PRKAR2A: variants seen among roughly 807,000 people sequenced by gnomAD.
PRKAR2A encodes the protein protein kinase cAMP-dependent type II regulatory subunit alpha.
Under a neutral mutation model 51.9 loss-of-function variants are expected in PRKAR2A, and 29 were observed. That is an observed-to-expected ratio of 0.56 (90% CI 0.42 to 0.76). PRKAR2A has a LOEUF of 0.76. PRKAR2A is among the 30% of genes least tolerant of loss of function. The pLI is 0.00. For synonymous variants in PRKAR2A, 178 were observed against 186.2 expected, an observed-to-expected ratio of 0.96 and a Z score of 0.36; for missense variants, 445 against 512.1, an observed-to-expected ratio of 0.87 and a Z score of 1.26.
At chr3:48,786,892 G>C (rs1051347431) in intron 4 of PRKAR2A, among the ~76,000 whole-genome samples, 1 of 151,836 alleles carries the variant, frequency 6.6e-6, no homozygotes, top group African/African-American at 2.4e-5. Flanking sequence ...GCTTTCAGAG[G>C]GACACAATAT....
chr3:48,832,296 CAAA>C (rs75592481), intron 1 of PRKAR2A, among the ~76,000 whole-genome samples: 1 of 72,604 alleles, frequency 1.4e-5, no homozygotes. Context: ...AACTTCATCT[CAAA>C]AAAAAAAAAA....
intron 6 of PRKAR2A, among the ~76,000 whole-genome samples, chr3:48,769,513 G>C (rs1283705588): frequency 3.3e-5 from 5 of 150,128 alleles, no homozygotes; most frequent in Non-Finnish European, 7.4e-5. Flanking sequence ...TTTCGTTCTT[G>C]TTGACCAGGT....
intron 2 of PRKAR2A, among the ~76,000 whole-genome samples, 199 bp downstream of exon 2, chr3:48,807,448 CTG>C (rs1300594794): frequency 6.6e-6 from 1 of 152,066 alleles, no homozygotes; most frequent in East Asian, 1.9e-4. Context: ...AAGAGACAAA[CTG>C]TACCAATTAT....
chr3:48,808,545 G>A (rs564090342), intron 1 of PRKAR2A, among the ~76,000 whole-genome samples: 34 of 150,224 alleles, frequency 2.3e-4, no homozygotes, highest in African/African-American at 8.3e-4. Context: ...GAGCCACCGC[G>A]CCTGGCCTGT....
intron 6 of PRKAR2A, among the ~76,000 whole-genome samples, chr3:48,768,335 A>AGATAGATAGAT (rs1553666209): frequency 6.6e-6 from 1 of 151,650 alleles, no homozygotes; most frequent in Non-Finnish European, 1.5e-5. Context: ...ATAGATAGAT[A>AGATAGATAGAT]GATAGATATA....
chr3:48,830,371 G>A (rs760679397), intron 1 of PRKAR2A, among the ~76,000 whole-genome samples: 2 of 152,116 alleles, frequency 1.3e-5, no homozygotes, highest in Non-Finnish European at 2.9e-5. Flanking sequence ...ATGGAACTGT[G>A]AGCTGTCATC....
At chr3:48,759,521 G>C (rs935940948) in intron 8 of PRKAR2A, among the ~76,000 whole-genome samples, 1 of 152,084 alleles carries the variant, frequency 6.6e-6, no homozygotes, top group African/African-American at 2.4e-5. Context: ...TGAGTAGCTG[G>C]GATTTACAGG....
At position 48,751,232 on chromosome 3, in the gene PRKAR2A, A is replaced by C; in HGVS notation, c.*353T>G. On this transcript the variant is annotated 3_prime_UTR_variant, in exon 11 of 11. Transcript: ENST00000265563. The stretch of plus-strand genomic sequence containing the variant: ...AGACCCTGTGGTAACTTCCAAAAGC[A>C]AGAGTAGCAGCAAGAGAGGAAAGGA... 2.2e-6 allele frequency: 1 copy of C among 464,862 alleles called. No individual in the cohort carries two copies. The highest frequency in any genetic ancestry group is 4.3e-6 in the Non-Finnish European group (1 of 233,946). The allele number at this position is 464,862 out of a possible 1,614,324, so 28.8% of individuals were successfully genotyped here.
intron 2 of PRKAR2A, among the ~76,000 whole-genome samples, chr3:48,797,225 T>C (rs1366622875): frequency 6.6e-6 from 1 of 151,960 alleles, no homozygotes; most frequent in Non-Finnish European, 1.5e-5. Flanking sequence ...TGTAGTGCAG[T>C]TGACATGATC....
intron 6 of PRKAR2A, among the ~76,000 whole-genome samples, chr3:48,765,660 C>A (rs1357227553): frequency 1.4e-5 from 2 of 140,626 alleles, no homozygotes; most frequent in African/African-American, 5.2e-5. Context: ...AAAAAAGACA[C>A]CTCTAGTGAG....
intron 4 of PRKAR2A, among the ~76,000 whole-genome samples, chr3:48,787,846 A>C (rs544156008): frequency 2.6e-5 from 4 of 152,108 alleles, no homozygotes; most frequent in African/African-American, 9.7e-5. Context: ...TTGTAAGCTC[A>C]TATCTGACCA....
intron 6 of PRKAR2A, among the ~76,000 whole-genome samples, chr3:48,770,370 A>G (rs1348323357): frequency 6.6e-6 from 1 of 152,136 alleles, no homozygotes; most frequent in African/African-American, 2.4e-5. Context: ...AAAGCAAAAG[A>G]GACTACGTAT....
In PRKAR2A at chr3:48,847,270, C is replaced by T; in HGVS notation, c.262+65G>A. ...TGGCTGCGGCGCGACACCTGGCTCC[C>T]TGCCACCCCTCTAGACCTCTGGAGA... On this transcript the variant is annotated intron_variant, in intron 1 of 10. Coordinates refer to ENST00000265563, the MANE Select transcript of PRKAR2A (RefSeq NM_004157.4). The surrounding 1 kb of genome is among the most constrained non-coding windows in gnomAD (Gnocchi z 4.4). 1 of 1,551,436 alleles carries T rather than the reference C, an allele frequency of 6.4e-7. No homozygotes were observed. The highest frequency in any genetic ancestry group is 8.7e-7 in the Non-Finnish European group (1 of 1,145,540).
At chr3:48,839,615 T>C (rs917214205) in intron 1 of PRKAR2A, among the ~76,000 whole-genome samples, 3 of 152,212 alleles carry the variant, frequency 2.0e-5, no homozygotes, top group Admixed American at 1.3e-4. Context: ...AAAGCTGTTA[T>C]TAAAATAACA....
At chr3:48,821,437 C>T (rs1206414074) in intron 1 of PRKAR2A, among the ~76,000 whole-genome samples, 1 of 152,094 alleles carries the variant, frequency 6.6e-6, no homozygotes, top group African/African-American at 2.4e-5. Flanking sequence ...ATCCAATTTC[C>T]CAAGAATTTT....
chr3:48,820,139 T>C (rs2082938847), intron 1 of PRKAR2A, among the ~76,000 whole-genome samples: 1 of 152,190 alleles, frequency 6.6e-6, no homozygotes, highest in Non-Finnish European at 1.5e-5. Context: ...TATTCTAAAC[T>C]GGGGATACAG....
At chr3:48,831,077 G>A (rs2083179908) in intron 1 of PRKAR2A, among the ~76,000 whole-genome samples, 1 of 152,128 alleles carries the variant, frequency 6.6e-6, no homozygotes. Context: ...CCATGGCCCA[G>A]GGGGTGGGGA....
At chr3:48,745,674 G>C (rs540977938), downstream of PRKAR2A, among the ~76,000 whole-genome samples, 1 of 151,894 alleles carries the variant, frequency 6.6e-6, no homozygotes, top group Non-Finnish European at 1.5e-5. Context: ...AAATGGCTGG[G>C]ATTATAGGAA....
chr3:48,828,794 G>A (rs2107430151), intron 1 of PRKAR2A, among the ~76,000 whole-genome samples: 1 of 149,082 alleles, frequency 6.7e-6, no homozygotes, highest in Middle Eastern at 3.5e-3. Flanking sequence ...TTTACCAGGT[G>A]CAGTGGTTCA....
Sources: allele counts gnomAD v4.1 joint callset (sites outside exome capture counted in the v4.1 genomes callset), GRCh38; gene constraint gnomAD v4.1.1; non-coding constraint Gnocchi (gnomAD v3.1); transcripts MANE v1.5; gene names NCBI Gene and HGNC (gene_info 2026-07-23, HGNC 2026-07-21).